The following ENOX1 variants were observed in gnomAD, a reference collection of about 807,000 sequenced individuals.
The protein encoded by ENOX1 is candidate growth-related and time keeping constitutive hydroquinone (NADH) oxidase.
ENOX1 carries 42 observed loss-of-function variants against 82.5 expected under a neutral mutation model. The ratio of observed to expected loss-of-function variants is 0.51; its 90% confidence interval spans 0.40 to 0.66. The LOEUF (loss-of-function observed/expected upper bound fraction) is 0.66. Ranked by LOEUF, ENOX1 falls within the 30% of genes least tolerant of loss-of-function variation. ENOX1 has a pLI of 0.00. For missense variants in ENOX1, 608 were observed against 811.6 expected, an observed-to-expected ratio of 0.75 and a Z score of 3.05; for synonymous variants, 271 against 282.2, an observed-to-expected ratio of 0.96 and a Z score of 0.40.
At chr13:43,229,650 G>A (rs894637888) in intron 15 of ENOX1, among the ~76,000 whole-genome samples, 4 of 152,194 alleles carry the variant, frequency 2.6e-5, no homozygotes, top group Non-Finnish European at 5.9e-5. Context: ...CTGTATGGAG[G>A]GTAGAGCAGA....
At chr13:43,236,541 A>G (rs1447184338) in intron 15 of ENOX1, 95 bp downstream of exon 15, 1 of 691,396 alleles carries the variant, frequency 1.4e-6, no homozygotes, top group African/African-American at 1.9e-5. Flanking sequence ...CCAGAAGGCA[A>G]TGCTGTTTAA....
At chr13:43,385,027 T>C (rs1446205518) in intron 5 of ENOX1, among the ~76,000 whole-genome samples, 3 of 152,178 alleles carry the variant, frequency 2.0e-5, no homozygotes, top group South Asian at 4.1e-4. Flanking sequence ...GTTGGCATCA[T>C]GGCACTACTG....
At chr13:43,472,599 A>C (rs2058115705) in intron 3 of ENOX1, among the ~76,000 whole-genome samples, 1 of 152,236 alleles carries the variant, frequency 6.6e-6, no homozygotes, top group Non-Finnish European at 1.5e-5. Context: ...GAAGCATAAA[A>C]GGAAAATGTG....
At chr13:43,626,487 C>A (rs888909257) in intron 2 of ENOX1, among the ~76,000 whole-genome samples, 3 of 151,760 alleles carry the variant, frequency 2.0e-5, no homozygotes, top group Non-Finnish European at 4.4e-5. Context: ...TATCTACCTA[C>A]AAATTTTATG....
At chr13:43,384,709 T>G (rs771187406) in intron 5 of ENOX1, among the ~76,000 whole-genome samples, 7 of 152,204 alleles carry the variant, frequency 4.6e-5, no homozygotes, top group Admixed American at 6.5e-5. Context: ...GAGGCAGAGT[T>G]TCCAACAGCA....
At chr13:43,232,396 A>G (rs905724879) in intron 15 of ENOX1, among the ~76,000 whole-genome samples, 2 of 152,172 alleles carry the variant, frequency 1.3e-5, no homozygotes, top group Non-Finnish European at 1.5e-5. Flanking sequence ...CTCATTCTTT[A>G]TGGTCAGTAG....
At chr13:43,467,286 A>C (rs1239450748) in intron 3 of ENOX1, among the ~76,000 whole-genome samples, 1 of 152,206 alleles carries the variant, frequency 6.6e-6, no homozygotes, top group African/African-American at 2.4e-5. Context: ...TTGTCTGTCA[A>C]TTTTAGACAA....
At chr13:43,368,432 G>A (rs1163151996) in intron 5 of ENOX1, among the ~76,000 whole-genome samples, 1 of 152,200 alleles carries the variant, frequency 6.6e-6, no homozygotes, top group African/African-American at 2.4e-5. Context: ...AAAACTGACT[G>A]CTCAAAGAAC....
chr13:43,735,207 C>T (rs535167952), intron 1 of ENOX1, among the ~76,000 whole-genome samples: 11 of 152,226 alleles, frequency 7.2e-5, no homozygotes, highest in African/African-American at 2.2e-4. Flanking sequence ...GAAAGCATGA[C>T]ATTTAGGACA....
At chr13:43,713,750 G>C (rs2087903638) in intron 1 of ENOX1, among the ~76,000 whole-genome samples, 1 of 151,284 alleles carries the variant, frequency 6.6e-6, no homozygotes, top group Non-Finnish European at 1.5e-5. Flanking sequence ...CTGTGGGATT[G>C]GTGGTGATAT....
intron 2 of ENOX1, among the ~76,000 whole-genome samples, chr13:43,535,473 C>A (rs114339623): frequency 2.2e-4 from 34 of 152,248 alleles, no homozygotes; most frequent in Non-Finnish European, 4.3e-4. Flanking sequence ...ACCTCTCCCC[C>A]CATCGTTAAC....
At chr13:43,464,648 A>G (rs771642387) in intron 3 of ENOX1, among the ~76,000 whole-genome samples, 5 of 152,178 alleles carry the variant, frequency 3.3e-5, no homozygotes, top group Admixed American at 6.6e-5. Flanking sequence ...GAGTTCCTAC[A>G]TACTCCTCCC....
intron 2 of ENOX1, among the ~76,000 whole-genome samples, chr13:43,578,721 T>C (rs895213053): frequency 2.0e-5 from 3 of 152,208 alleles, no homozygotes; most frequent in Non-Finnish European, 2.9e-5. Context: ...ACAGCTGATA[T>C]GGTCTTATTC....
At chr13:43,695,039 T>A (rs1032419925) in intron 1 of ENOX1, among the ~76,000 whole-genome samples, 1 of 152,118 alleles carries the variant, frequency 6.6e-6, no homozygotes, top group African/African-American at 2.4e-5. Context: ...GCACAAGCAC[T>A]AACCACACAC....
At chr13:43,601,679 T>C (rs967013381) in intron 2 of ENOX1, among the ~76,000 whole-genome samples, 1 of 152,018 alleles carries the variant, frequency 6.6e-6, no homozygotes, top group Non-Finnish European at 1.5e-5. Flanking sequence ...TAAAGAAAGA[T>C]ATCAATATTC....
At chr13:43,336,167 C>T (rs1566542288) in intron 9 of ENOX1, among the ~76,000 whole-genome samples, 1 of 152,158 alleles carries the variant, frequency 6.6e-6, no homozygotes, top group Non-Finnish European at 1.5e-5. Context: ...AGCCAAATTT[C>T]CCTTGGTGGA....
chr13:43,366,967 T>A (rs2050889248), intron 5 of ENOX1, among the ~76,000 whole-genome samples: 1 of 152,068 alleles, frequency 6.6e-6, no homozygotes, highest in Non-Finnish European at 1.5e-5. Flanking sequence ...AATATTTACA[T>A]AACCTTATAT....
intron 2 of ENOX1, among the ~76,000 whole-genome samples, chr13:43,583,004 G>A (rs2022177): frequency 2.7e-5 from 4 of 146,270 alleles, no homozygotes; most frequent in Non-Finnish European, 5.9e-5. Flanking sequence ...CAGACAGACA[G>A]ACACACACAC....
chr13:43,651,772 C>T (rs1357134779), intron 2 of ENOX1, among the ~76,000 whole-genome samples: 1 of 150,788 alleles, frequency 6.6e-6, no homozygotes, highest in Non-Finnish European at 1.5e-5. Context: ...GTCAGGAGAT[C>T]GAGACCAGCC....
Sources: allele counts gnomAD v4.1 joint callset (sites outside exome capture counted in the v4.1 genomes callset), GRCh38; gene constraint gnomAD v4.1.1; transcripts MANE v1.5; gene names NCBI Gene and HGNC (gene_info 2026-07-23, HGNC 2026-07-21).